Variants in FRAS1 observed in about 807,000 individuals in gnomAD.
FRAS1 encodes Fraser extracellular matrix complex subunit 1.
FRAS1 carries 290 observed loss-of-function variants against 435.2 expected under a neutral mutation model. The observed-to-expected ratio is 0.67, with a 90% confidence interval of 0.61 to 0.73. The LOEUF is 0.73. Among genes scored for constraint, FRAS1 ranks in the 30% least tolerant of loss-of-function variants. The pLI, the probability that FRAS1 is intolerant of heterozygous loss-of-function variation, is 0.00. For synonymous variants in FRAS1, 1,800 were observed against 1,851.0 expected (o/e 0.97, Z 0.71); for missense variants, 4,860 against 5,001.5 (o/e 0.97, Z 0.85).
chr4:78,070,638 C>T (rs1740299016), intron 2 of FRAS1: 1 of 152,200 alleles, frequency 6.6e-6, no homozygotes, highest in Admixed American at 6.5e-5. Flanking sequence ...CAGAGGGAAA[C>T]TACCTAGGTA....
intron 2 of FRAS1, among the ~76,000 whole-genome samples, chr4:78,122,482 GTA>G (rs1719087996): frequency 6.6e-6 from 1 of 151,990 alleles, no homozygotes; most frequent in Non-Finnish European, 1.5e-5. Flanking sequence ...AATCCTTTGG[GTA>G]TATGCCCCAT....
intron 14 of FRAS1, among the ~76,000 whole-genome samples, chr4:78,291,698 A>G (rs543757552): frequency 6.6e-6 from 1 of 152,196 alleles, no homozygotes; most frequent in Non-Finnish European, 1.5e-5. Context: ...AGTAAATAAG[A>G]TTCAGTCTTT....
At chr4:78,196,660 A>G (rs1306968540) in intron 2 of FRAS1, among the ~76,000 whole-genome samples, 1 of 151,984 alleles carries the variant, frequency 6.6e-6, no homozygotes, top group Non-Finnish European at 1.5e-5. Flanking sequence ...GTCTGTGGGC[A>G]TATATTCCAC....
intron 27 of FRAS1, among the ~76,000 whole-genome samples, chr4:78,382,628 A>G (rs71611019): frequency 0.09 from 13,669 of 152,234 alleles, 642 homozygotes; most frequent in Non-Finnish European, 0.1. Context: ...GAAGACAAGA[A>G]TCATTTTTTA....
At chr4:78,196,463 C>G (rs78532863) in intron 2 of FRAS1, among the ~76,000 whole-genome samples, 198 of 152,210 alleles carry the variant, frequency 1.3e-3, no homozygotes, top group African/African-American at 4.7e-3. Flanking sequence ...GTTCTTAAGT[C>G]TTTGGTATAA....
Position 78,265,040 on chromosome 4 carries a change from C to G in FRAS1, c.619C>G (p.Arg207Gly). The G allele has an allele frequency of 6.2e-7, 1 of 1,609,496 alleles. No individual in the cohort carries two copies. The highest frequency in any genetic ancestry group is 2.2e-5 in the East Asian group (1 of 44,834). ...LFCNQDETVVRVPGKCCPQCS... is the reference protein window; with the variant it reads ...LFCNQDETVVGVPGKCCPQCS... ...GCGTGTTAAGGATGAGACTGTAGTC[C>G]GAGTCCCTGGAAAATGTTGCCCGCA... The change falls in exon 7 of 74, where the codon CGA becomes GGA. Residue 207 changes from arginine (R) to glycine (G), a missense_variant. Transcript: ENST00000512123.
chr4:78,132,153 C>T (rs1364397715), intron 2 of FRAS1, among the ~76,000 whole-genome samples: 1 of 151,994 alleles, frequency 6.6e-6, no homozygotes, highest in East Asian at 1.9e-4. Flanking sequence ...TTATTTTTTG[C>T]CAGGAACCTG....
intron 2 of FRAS1, among the ~76,000 whole-genome samples, chr4:78,212,031 T>C (rs1206757794): frequency 1.3e-5 from 2 of 152,260 alleles, no homozygotes; most frequent in East Asian, 3.8e-4. Context: ...GAACTTCATT[T>C]CTTTTTATGA....
At chr4:78,063,259 T>C (rs1390324269) in intron 1 of FRAS1, among the ~76,000 whole-genome samples, 1 of 152,170 alleles carries the variant, frequency 6.6e-6, no homozygotes, top group Non-Finnish European at 1.5e-5. Context: ...CTCAACTTCA[T>C]CTGCTGGTGG....
At chr4:78,406,409 G>A (rs1733094639) in intron 30 of FRAS1, among the ~76,000 whole-genome samples, 1 of 152,154 alleles carries the variant, frequency 6.6e-6, no homozygotes, top group Non-Finnish European at 1.5e-5. Flanking sequence ...GGCTGGGGAG[G>A]CCTCAGAATC....
At chr4:78,424,451 TG>T (rs1733921006) in intron 35 of FRAS1, 31 bp downstream of exon 35, 1 of 1,268,028 alleles carries the variant, frequency 7.9e-7, no homozygotes, top group African/African-American at 1.6e-5. Flanking sequence ...TACTAGAAAG[TG>T]AAATTTTTTC....
At chr4:78,409,552 G>C (rs1733253195) in intron 31 of FRAS1, among the ~76,000 whole-genome samples, 2 of 152,154 alleles carry the variant, frequency 1.3e-5, no homozygotes, top group South Asian at 4.1e-4. Flanking sequence ...TAAAATGCTA[G>C]AAATGATGAA....
chr4:78,386,005 C>T (rs937990101), intron 28 of FRAS1, among the ~76,000 whole-genome samples: 15 of 151,900 alleles, frequency 9.9e-5, no homozygotes, highest in Non-Finnish European at 1.8e-4. Flanking sequence ...AACTTTGTTT[C>T]GTTCTTTTTG....
At chr4:78,422,356 A>G (rs574040286) in intron 34 of FRAS1, among the ~76,000 whole-genome samples, 1 of 152,250 alleles carries the variant, frequency 6.6e-6, no homozygotes, top group South Asian at 2.1e-4. Flanking sequence ...AACCCCAGGA[A>G]TGAATATTTA....
chr4:78,157,436 A>G (rs1477954892), intron 2 of FRAS1, among the ~76,000 whole-genome samples: 1 of 152,144 alleles, frequency 6.6e-6, no homozygotes, highest in Non-Finnish European at 1.5e-5. Context: ...TTACTTTTCC[A>G]CCAACAGTGT....
chr4:78,324,801 C>T (rs1480239503), intron 18 of FRAS1, among the ~76,000 whole-genome samples: 1 of 143,090 alleles, frequency 7.0e-6, no homozygotes, highest in African/African-American at 2.6e-5. Context: ...GCAGCTCTGT[C>T]GCCATTAAAC....
chr4:78,180,571 G>A (rs1209586618), intron 2 of FRAS1, among the ~76,000 whole-genome samples: 1 of 152,138 alleles, frequency 6.6e-6, no homozygotes, highest in Non-Finnish European at 1.5e-5. Context: ...GTTTGGAAAT[G>A]CATATTTGCA....
chr4:78,130,762 A>T (rs1264478099), intron 2 of FRAS1, among the ~76,000 whole-genome samples: 1 of 152,224 alleles, frequency 6.6e-6, no homozygotes, highest in African/African-American at 2.4e-5. Flanking sequence ...AAAGTCATGG[A>T]ACTAAGAGTT....
chr4:78,330,613 G>A (rs909238919), intron 18 of FRAS1, among the ~76,000 whole-genome samples: 5 of 152,202 alleles, frequency 3.3e-5, no homozygotes, highest in South Asian at 2.1e-4. Flanking sequence ...CCCCCTGGGC[G>A]TGTGCATCTC....
Sources: allele counts gnomAD v4.1 joint callset (sites outside exome capture counted in the v4.1 genomes callset), GRCh38; gene constraint gnomAD v4.1.1; transcripts MANE v1.5; gene names NCBI Gene and HGNC (gene_info 2026-07-23, HGNC 2026-07-21).